Variants in NKAIN3 observed in about 807,000 individuals in gnomAD.
NKAIN3 encodes the protein sodium/potassium-transporting ATPase subunit beta-1-interacting protein 3.
In NKAIN3, 25 loss-of-function variants were observed where a neutral mutation model predicts 30.2. That is an observed-to-expected ratio of 0.83 (90% CI 0.60 to 1.16). The LOEUF (loss-of-function observed/expected upper bound fraction) is 1.16. NKAIN3 is among the 50% of genes most tolerant of loss of function. The probability of loss-of-function intolerance (pLI) is 0.00; values close to 1 mark genes in which losing one functional copy is unlikely to be tolerated. For synonymous variants in NKAIN3, 91 were observed against 89.6 expected, an observed-to-expected ratio of 1.02 and a Z score of -0.09; for missense variants, 225 against 254.1, an observed-to-expected ratio of 0.89 and a Z score of 0.78.
intron 4 of NKAIN3, among the ~76,000 whole-genome samples, chr8:62,905,866 T>C (rs1821757124): frequency 6.6e-6 from 1 of 152,210 alleles, no homozygotes; most frequent in African/African-American, 2.4e-5. Flanking sequence ...CTGACTTCAC[T>C]CACTTCCTTA....
Position 62,888,379 on chromosome 8 carries a change from A to G in NKAIN3, c.472-30074A>G, listed in dbSNP as rs564754932. On this transcript the variant is annotated intron_variant, in intron 4 of 6. Transcript: ENST00000623646. ...AGAACTTGGTGGAGCTCCTGTAAAT[A>G]AAACTTACAAAAATGTGTGGGGTCC... 1.6e-4 allele frequency among the ~76,000 whole-genome samples: 24 copies of G among 152,344 alleles called. No individual in the cohort carries two copies. The South Asian group carries it at 4.6e-3, about 29-fold the overall frequency.
chr8:62,578,694 G>T (rs1257809290), intron 1 of NKAIN3, among the ~76,000 whole-genome samples: 1 of 151,880 alleles, frequency 6.6e-6, no homozygotes, highest in African/African-American at 2.4e-5. Flanking sequence ...TAGTTCTAGT[G>T]TCACAAGCCT....
chr8:62,966,250 C>G lies in NKAIN3; in HGVS notation c.*843C>G. 1 of 985,042 alleles carries G rather than the reference C, an allele frequency of 1.0e-6. No homozygotes were observed. The highest frequency in any genetic ancestry group is 1.2e-6 in the Non-Finnish European group (1 of 829,700). 61.0% of individuals were successfully genotyped at this position (985,042 alleles called of 1,614,324 possible). On this transcript the variant is annotated 3_prime_UTR_variant, in exon 7 of 7. Coordinates refer to ENST00000623646, the MANE Select transcript of NKAIN3 (RefSeq NM_001304533.3). ...TCAGGAACTTTTCTCTTAGGATATTCAAAAGAAGCCTGAAAATGCTGTAGC... is the reference window on the plus strand; with the variant it reads ...TCAGGAACTTTTCTCTTAGGATATTGAAAAGAAGCCTGAAAATGCTGTAGC...
intron 4 of NKAIN3, among the ~76,000 whole-genome samples, chr8:62,788,798 T>A (rs1817609027): frequency 6.6e-6 from 1 of 151,976 alleles, no homozygotes; most frequent in African/African-American, 2.4e-5. Flanking sequence ...GGGAATCTTT[T>A]CCCCATTGCT....
chr8:62,794,803 CA>C (rs2130679850), intron 4 of NKAIN3, among the ~76,000 whole-genome samples: 1 of 152,300 alleles, frequency 6.6e-6, no homozygotes, highest in East Asian at 1.9e-4. Flanking sequence ...CTTCCTGACA[CA>C]CGGACTGTGA....
chr8:62,848,630 T>A (rs1324601475), intron 4 of NKAIN3, among the ~76,000 whole-genome samples: 1 of 152,194 alleles, frequency 6.6e-6, no homozygotes, highest in Non-Finnish European at 1.5e-5. Context: ...TAGTTTGACT[T>A]CCTCTCTTCC....
rs186997728 is a variant in NKAIN3, at chr8:62,483,649, T to C, written c.55-95890T>C. 2.7e-3 allele frequency: 553 copies of C among 204,410 alleles called. 1 individual carries two copies. Among genetic ancestry groups the C allele is most frequent in the African/African-American group, 0.011 (479 of 41,912 alleles). The allele number at this position is 204,410 out of a possible 1,614,324, so 12.7% of individuals were successfully genotyped here. A position where few individuals can be genotyped will look rare whatever the true frequency, so the allele number is the denominator to read the frequency against. On this transcript the variant is annotated intron_variant, in intron 1 of 6. Coordinates refer to ENST00000623646, the MANE Select transcript of NKAIN3 (RefSeq NM_001304533.3). ...ATGGGTAATCTTCTCATAGGTTGAT[T>C]TTGATTCTGAAGGCCGCCTTATCCT...
chr8:62,397,994 A>G (rs976064225), intron 1 of NKAIN3, among the ~76,000 whole-genome samples: 4 of 152,326 alleles, frequency 2.6e-5, no homozygotes, highest in South Asian at 4.1e-4. Context: ...TTTTCCACAT[A>G]CAAACATGGA....
intron 1 of NKAIN3, among the ~76,000 whole-genome samples, chr8:62,518,804 G>A (rs1466031017): frequency 6.6e-6 from 1 of 152,088 alleles, no homozygotes; most frequent in African/African-American, 2.4e-5. Context: ...CTGTTGCTAA[G>A]ACAGCATAAG....
chr8:62,488,080 T>A (rs555415028), intron 1 of NKAIN3, among the ~76,000 whole-genome samples: 1 of 152,238 alleles, frequency 6.6e-6, no homozygotes, highest in Non-Finnish European at 1.5e-5. Flanking sequence ...AGACATTGCA[T>A]CTTTAAACTG....
intron 1 of NKAIN3, among the ~76,000 whole-genome samples, chr8:62,403,239 C>A (rs11778089): frequency 0.67 from 102,328 of 152,028 alleles, 35,381 homozygotes; most frequent in Non-Finnish European, 0.74. Context: ...GGAAGCACGC[C>A]TAAAAGTTTG....
intron 1 of NKAIN3, among the ~76,000 whole-genome samples, chr8:62,508,969 G>A (rs1014441033): frequency 1.3e-5 from 2 of 150,526 alleles, no homozygotes; most frequent in African/African-American, 4.9e-5. Flanking sequence ...ACTTCTCTAC[G>A]TAGTCATCTA....
At chr8:62,265,273 A>G (rs562612465) in intron 1 of NKAIN3, among the ~76,000 whole-genome samples, 3 of 152,320 alleles carry the variant, frequency 2.0e-5, no homozygotes, top group East Asian at 1.9e-4. Context: ...ACTATTCTAT[A>G]ATTAATCTCT....
At chr8:62,502,153 C>G (rs1807474569) in intron 1 of NKAIN3, among the ~76,000 whole-genome samples, 1 of 151,552 alleles carries the variant, frequency 6.6e-6, no homozygotes, top group Non-Finnish European at 1.5e-5. Flanking sequence ...CTCATAAATT[C>G]ATTCCTCCCT....
At chr8:62,886,303 C>G (rs1348734909) in intron 4 of NKAIN3, among the ~76,000 whole-genome samples, 1 of 151,894 alleles carries the variant, frequency 6.6e-6, no homozygotes, top group Non-Finnish European at 1.5e-5. Context: ...CTTCCCATGC[C>G]TTGTATCACT....
At chr8:62,404,783 A>G (rs2129595488) in intron 1 of NKAIN3, among the ~76,000 whole-genome samples, 2 of 151,754 alleles carry the variant, frequency 1.3e-5, no homozygotes, top group South Asian at 4.2e-4. Flanking sequence ...GCTGTAAGAC[A>G]AAATACTGTG....
At position 62,976,136 on chromosome 8, in the gene NKAIN3, G is replaced by A. The variant is rs529258109; in HGVS notation, c.*10729G>A. Among the ~76,000 whole-genome samples, 132 of 152,292 alleles carry A rather than the reference G, an allele frequency of 8.7e-4. 1 individual carries two copies. Among genetic ancestry groups the A allele is most frequent in the African/African-American group, 3.1e-3 (130 of 41,574 alleles). On this transcript the variant is annotated 3_prime_UTR_variant, in exon 7 of 7. Coordinates refer to ENST00000623646, the MANE Select transcript of NKAIN3 (RefSeq NM_001304533.3). The stretch of plus-strand genomic sequence containing the variant: ...TCGATTTTAGGAAAATGTGCTATGT[G>A]ATGCTGAGGAGAATGTATATTCTGT...
At chr8:62,808,523 C>T (rs970768841) in intron 4 of NKAIN3, among the ~76,000 whole-genome samples, 7 of 152,152 alleles carry the variant, frequency 4.6e-5, no homozygotes, top group Non-Finnish European at 1.0e-4. Context: ...AAGTGTCGAC[C>T]GGTCTGAGAA....
intron 4 of NKAIN3, among the ~76,000 whole-genome samples, chr8:62,880,148 T>A (rs192211452): frequency 1.2e-3 from 190 of 152,300 alleles, no homozygotes; most frequent in African/African-American, 4.5e-3. Flanking sequence ...CTAGGTGTTA[T>A]TATTATTATT....
Sources: allele counts gnomAD v4.1 joint callset (sites outside exome capture counted in the v4.1 genomes callset), GRCh38; gene constraint gnomAD v4.1.1; transcripts MANE v1.5; gene names NCBI Gene and HGNC (gene_info 2026-07-23, HGNC 2026-07-21).